Variants in HMGB1 observed in about 807,000 individuals in gnomAD.
HMGB1 encodes the protein high mobility group box 1, also known as high mobility group protein B1.
For missense variants in HMGB1, 79 were observed against 253.5 expected (o/e 0.31, Z 4.67); for synonymous variants, 81 against 84.0 (o/e 0.96, Z 0.19).
At chr13:30,467,218 C>T (rs1886813749), upstream of HMGB1, among the ~76,000 whole-genome samples, 1 of 151,862 alleles carries the variant, frequency 6.6e-6, no homozygotes, top group African/African-American at 2.4e-5. Context: ...AACAGACTTC[C>T]CTTTTTTTTC....
At chr13:30,533,387 CAG>C (rs1053377114) in intron 1 of HMGB1, among the ~76,000 whole-genome samples, 2 of 152,174 alleles carry the variant, frequency 1.3e-5, no homozygotes, top group African/African-American at 4.8e-5. Flanking sequence ...GTTTTTGAGA[CAG>C]AGTCTCACTC....
At chr13:30,466,004 C>T (rs956187192), upstream of HMGB1, 8 of 968,146 alleles carry the variant, frequency 8.3e-6, no homozygotes, top group South Asian at 1.4e-4. Flanking sequence ...GGCCCGATAC[C>T]TCCCATTGTC....
Position 30,479,154 on chromosome 13 carries a change from C to T in HMGB1, c.-14-15460G>A, listed in dbSNP as rs925518113. 2.0e-5 allele frequency among the ~76,000 whole-genome samples: 3 copies of T among 152,302 alleles called. No homozygotes were observed. The East Asian group carries it at 5.8e-4, about 29-fold the overall frequency. On this transcript the variant is annotated intron_variant, in intron 1 of 4. Transcript: ENST00000405805. ...TATGCACATTTATCATAGCTCTAAA[C>T]TTTTACCTCTTGTCACTATTGATGT... is the stretch of plus-strand genomic sequence containing the variant.
intron 1 of HMGB1, among the ~76,000 whole-genome samples, chr13:30,593,905 G>C (rs759099086): frequency 5.9e-5 from 9 of 152,190 alleles, no homozygotes; most frequent in Non-Finnish European, 1.2e-4. Context: ...AAAGTTAAAT[G>C]CAAGAAAGGA....
At chr13:30,477,180 C>T (rs990542446) in intron 1 of HMGB1, among the ~76,000 whole-genome samples, 1 of 152,202 alleles carries the variant, frequency 6.6e-6, no homozygotes, top group South Asian at 2.1e-4. Flanking sequence ...AGTTCACATT[C>T]TTGGCTTTCA....
At chr13:30,564,999 A>G (rs1251238793) in intron 1 of HMGB1, among the ~76,000 whole-genome samples, 1 of 152,240 alleles carries the variant, frequency 6.6e-6, no homozygotes, top group Non-Finnish European at 1.5e-5. Context: ...AATGAAGTAC[A>G]TAGTCCTGGC....
intron 1 of HMGB1, among the ~76,000 whole-genome samples, chr13:30,479,539 G>C (rs1393396790): frequency 6.6e-6 from 1 of 152,134 alleles, no homozygotes; most frequent in Non-Finnish European, 1.5e-5. Context: ...AGTCACAAGA[G>C]TTTTTGAATT....
chr13:30,563,167 G>A (rs8000336), intron 1 of HMGB1, among the ~76,000 whole-genome samples: 1 of 152,320 alleles, frequency 6.6e-6, no homozygotes, highest in South Asian at 2.1e-4. Context: ...GCTCTGCTTC[G>A]AGGTCAAATC....
chr13:30,613,391 A>G (rs1203383685), intron 1 of HMGB1, among the ~76,000 whole-genome samples: 1 of 152,120 alleles, frequency 6.6e-6, no homozygotes, highest in Non-Finnish European at 1.5e-5. Context: ...ATTCAACCAT[A>G]TATTATTGGC....
At chr13:30,464,914 CCTCCCCTCCGCGCCG>C (rs1886656999) in intron 1 of HMGB1, among the ~76,000 whole-genome samples, 1 of 141,688 alleles carries the variant, frequency 7.1e-6, no homozygotes, top group Non-Finnish European at 1.6e-5. Context: ...GCGGCCGGGC[CCTCCCCTCCGCGCCG>C]CTCCCCTCCC....
intron 1 of HMGB1, among the ~76,000 whole-genome samples, chr13:30,575,912 T>A (rs1188691097): frequency 6.6e-6 from 1 of 151,876 alleles, no homozygotes; most frequent in Non-Finnish European, 1.5e-5. Flanking sequence ...CTAAAAAAAA[T>A]TCGTTTTAAG....
chr13:30,465,093 C>G, intron 1 of HMGB1: 1 of 926,582 alleles, frequency 1.1e-6, no homozygotes, highest in Non-Finnish European at 1.3e-6. Context: ...CTGCGCCCAG[C>G]TCCCCCGCCC....
At chr13:30,594,328 A>T (rs1463618207) in intron 1 of HMGB1, among the ~76,000 whole-genome samples, 1 of 152,152 alleles carries the variant, frequency 6.6e-6, no homozygotes, top group African/African-American at 2.4e-5. Flanking sequence ...CACAACAGTG[A>T]ACACAGTACC....
chr13:30,471,125 C>T (rs924273153), intron 1 of HMGB1, among the ~76,000 whole-genome samples: 2 of 151,772 alleles, frequency 1.3e-5, no homozygotes, highest in African/African-American at 2.4e-5. Context: ...ACTACAGGCA[C>T]GCGCCATGGC....
chr13:30,497,965 T>C (rs1198880686), intron 1 of HMGB1, among the ~76,000 whole-genome samples: 1 of 152,196 alleles, frequency 6.6e-6, no homozygotes, highest in African/African-American at 2.4e-5. Flanking sequence ...GTCCTTTGGG[T>C]ATATACCCAG....
At chr13:30,484,189 C>A (rs2137434234) in intron 1 of HMGB1, among the ~76,000 whole-genome samples, 1 of 152,286 alleles carries the variant, frequency 6.6e-6, no homozygotes, top group East Asian at 1.9e-4. Flanking sequence ...TGAGCTGCCC[C>A]TCCTTGGCAA....
intron 1 of HMGB1, among the ~76,000 whole-genome samples, chr13:30,490,097 C>T (rs1380371557): frequency 2.0e-5 from 3 of 151,468 alleles, no homozygotes; most frequent in Non-Finnish European, 4.4e-5. Flanking sequence ...CCCCAAAAGC[C>T]TCCAGATCCT....
intron 1 of HMGB1, among the ~76,000 whole-genome samples, chr13:30,515,491 A>G (rs1888082487): frequency 1.3e-5 from 2 of 152,240 alleles, no homozygotes; most frequent in Admixed American, 1.3e-4. Context: ...ACTATTGAAC[A>G]AAACGTAATT....
intron 1 of HMGB1, among the ~76,000 whole-genome samples, chr13:30,527,142 C>A (rs775399368): frequency 1.3e-5 from 2 of 152,240 alleles, no homozygotes; most frequent in African/African-American, 2.4e-5. Context: ...GGTGCTGAAC[C>A]TTCTCTCTCC....
Sources: gnomAD v4.1 joint callset for allele counts (sites outside exome capture counted in the v4.1 genomes callset) on GRCh38, gnomAD v4.1.1 for gene constraint, MANE v1.5 for transcripts, NCBI Gene and HGNC (gene_info 2026-07-23, HGNC 2026-07-21) for gene names.